The following TRPM6 variants were observed in gnomAD, a reference collection of about 807,000 sequenced individuals.
The protein encoded by TRPM6 is transient receptor potential cation channel subfamily M member 6.
TRPM6 carries 111 observed loss-of-function variants against 247.6 expected under a neutral mutation model. The observed-to-expected ratio is 0.45, with a 90% CI of 0.38 to 0.52. The LOEUF is 0.52. Ranked by LOEUF, TRPM6 falls within the 20% of genes least tolerant of loss-of-function variation. TRPM6 has a pLI of 0.00. For synonymous variants in TRPM6, 892 were observed against 853.8 expected, an observed-to-expected ratio of 1.04 and a Z score of -0.78; for missense variants, 2,126 against 2,421.5, an observed-to-expected ratio of 0.88 and a Z score of 2.56.
At position 74,750,738 on chromosome 9, in the gene TRPM6, A is replaced by T; in HGVS notation, c.4999-16T>A. On this transcript the variant is annotated splice_polypyrimidine_tract_variant and intron_variant, in intron 29 of 38. Transcript: ENST00000360774. The stretch of plus-strand genomic sequence containing the variant: ...TGCTGAGATCCTGAGCAGAAGGGAA[A>T]GGCCGTTACGTGTGTGCTCAACATA... The T allele has an allele frequency of 1.2e-6, 2 of 1,613,680 alleles. No homozygotes were observed. The highest frequency in any genetic ancestry group is 2.2e-5 in the South Asian group (2 of 91,078).
intron 3 of TRPM6, among the ~76,000 whole-genome samples, chr9:74,852,016 G>A (rs1041360356): frequency 2.0e-5 from 3 of 151,552 alleles, no homozygotes; most frequent in Admixed American, 6.6e-5. Flanking sequence ...TGCCAGGAGG[G>A]GGGTAGCTAC....
At chr9:74,850,063 T>TA (rs1446177451) in intron 3 of TRPM6, among the ~76,000 whole-genome samples, 1 of 152,180 alleles carries the variant, frequency 6.6e-6, no homozygotes, top group African/African-American at 2.4e-5. Flanking sequence ...GTCTACAACT[T>TA]ACAATCTCTT....
intron 1 of TRPM6, among the ~76,000 whole-genome samples, chr9:74,876,775 G>C (rs1047836256): frequency 6.6e-6 from 1 of 152,018 alleles, no homozygotes; most frequent in Non-Finnish European, 1.5e-5. Context: ...TATATAAAAC[G>C]CCCTGAAAAA....
Position 74,840,236 on chromosome 9 carries a change from T to C in TRPM6, c.332A>G (p.Tyr111Cys), listed in dbSNP as rs773420312. ...TTTTGTATCATAAGAAGTTCTAATA[T>C]ACTGCAAGAAAAGCACATGTAGGTG... ...QDGEHTHHAK[Y>C]IRTSYDTKLD... The change falls in exon 5 of 39, where the codon TAT becomes TGT. Residue 111 changes from tyrosine (Y) to cysteine (C), a missense_variant and splice_region_variant. Coordinates refer to ENST00000360774, the MANE Select transcript of TRPM6 (RefSeq NM_017662.5). 1.0e-5 allele frequency: 16 copies of C among 1,603,332 alleles called. No homozygotes were observed. In the African/African-American group the frequency reaches 1.1e-4, roughly 11 times the overall value.
intron 14 of TRPM6, chr9:74,804,483 G>C (rs1828462502): frequency 1.5e-6 from 1 of 672,240 alleles, no homozygotes; most frequent in Non-Finnish European, 2.7e-6. Context: ...AAGCTTGCCT[G>C]ATCTCTATTT....
intron 38 of TRPM6, among the ~76,000 whole-genome samples, chr9:74,725,812 C>A (rs1038802941): frequency 6.6e-6 from 1 of 152,162 alleles, no homozygotes; most frequent in African/African-American, 2.4e-5. Context: ...TCTTTATCAG[C>A]AGCATGAAAA....
chr9:74,828,839 G>A (rs887702275), intron 6 of TRPM6, among the ~76,000 whole-genome samples: 12 of 151,718 alleles, frequency 7.9e-5, no homozygotes, highest in Non-Finnish European at 1.2e-4. Flanking sequence ...CCCAGCCTTC[G>A]TTTTCATTTC....
chr9:74,740,046 T>C (rs771643486), intron 33 of TRPM6, 37 bp from the exon 34 acceptor site: 15 of 1,607,288 alleles, frequency 9.3e-6, no homozygotes, highest in South Asian at 3.3e-5. Flanking sequence ...TTCAATAAGA[T>C]TGCCATGTCT....
chr9:74,792,435 G>C (rs1301208062), intron 19 of TRPM6, among the ~76,000 whole-genome samples, 189 bp downstream of exon 19: 1 of 152,172 alleles, frequency 6.6e-6, no homozygotes, highest in Non-Finnish European at 1.5e-5. Flanking sequence ...CAAAAAGTAG[G>C]TGAGCTCCAC....
At chr9:74,790,840 G>C (rs1827875641) in intron 19 of TRPM6, among the ~76,000 whole-genome samples, 1 of 152,214 alleles carries the variant, frequency 6.6e-6, no homozygotes, top group Non-Finnish European at 1.5e-5. Flanking sequence ...CTCTACTTGA[G>C]AACAGGTTGG....
At chr9:74,796,615 C>T in intron 18 of TRPM6, 126 bp downstream of exon 18, 1 of 930,630 alleles carries the variant, frequency 1.1e-6, no homozygotes. Flanking sequence ...TATGTCATCA[C>T]AGGCCTGAAA....
chr9:74,877,392 G>A (rs569369415), intron 1 of TRPM6, among the ~76,000 whole-genome samples: 3 of 152,290 alleles, frequency 2.0e-5, no homozygotes, highest in South Asian at 4.1e-4. Context: ...GGACTCCAGT[G>A]GGCCCTGAGA....
At position 74,830,376 on chromosome 9, in the gene TRPM6, G is replaced by T. The variant is rs574296378; in HGVS notation, c.670-2427C>A. Among the ~76,000 whole-genome samples, 11 of 151,062 alleles carry T rather than the reference G, an allele frequency of 7.3e-5. 1 individual carries two copies. In the East Asian group the frequency reaches 7.8e-4, roughly 11 times the overall value. ...ATAATATGAATTGTTTTGTTTTGGG[G>T]TTTTTTTGTTTGTTTGTTTGTTTTG... On this transcript the variant is annotated intron_variant, in intron 6 of 38. Coordinates refer to ENST00000360774, the MANE Select transcript of TRPM6 (RefSeq NM_017662.5).
intron 1 of TRPM6, among the ~76,000 whole-genome samples, chr9:74,862,383 C>G (rs975553849): frequency 6.6e-6 from 1 of 152,130 alleles, no homozygotes; most frequent in Non-Finnish European, 1.5e-5. Context: ...GCTATCATGG[C>G]AGTCTTCATC....
At chr9:74,817,421 G>A (rs1374671140) in intron 9 of TRPM6, among the ~76,000 whole-genome samples, 1 of 152,110 alleles carries the variant, frequency 6.6e-6, no homozygotes, top group Non-Finnish European at 1.5e-5. Flanking sequence ...AATTTCCTGG[G>A]CTCAGGCGAT....
chr9:74,887,346 G>A, intron 1 of TRPM6: 1 of 1,393,694 alleles, frequency 7.2e-7, no homozygotes, highest in Non-Finnish European at 9.3e-7. Flanking sequence ...GCCTCGGAAA[G>A]CCGCGACCCC....
intron 23 of TRPM6, among the ~76,000 whole-genome samples, chr9:74,781,473 T>C (rs905687722): frequency 2.1e-5 from 3 of 140,364 alleles, no homozygotes; most frequent in Non-Finnish European, 4.5e-5. Flanking sequence ...GAGGCAGAGG[T>C]TGCAGTGAGC....
At chr9:74,791,906 G>A (rs934086419) in intron 19 of TRPM6, among the ~76,000 whole-genome samples, 3 of 152,120 alleles carry the variant, frequency 2.0e-5, no homozygotes, top group South Asian at 2.1e-4. Context: ...ACAGGCGCCC[G>A]CCATCACGCC....
chr9:74,797,576 T>TA (rs1234357071), intron 17 of TRPM6, among the ~76,000 whole-genome samples: 16 of 152,226 alleles, frequency 1.1e-4, no homozygotes, highest in Admixed American at 8.5e-4. Flanking sequence ...AAATATTTTT[T>TA]ATCTGAAGTT....
Sources: gnomAD v4.1 joint callset for allele counts (sites outside exome capture counted in the v4.1 genomes callset) on GRCh38, gnomAD v4.1.1 for gene constraint, MANE v1.5 for transcripts, NCBI Gene and HGNC (gene_info 2026-07-23, HGNC 2026-07-21) for gene names.